Variants in NUP188 observed in about 807,000 individuals in gnomAD.
The protein encoded by NUP188 is nucleoporin 188.
NUP188 carries 97 observed loss-of-function variants against 223.0 expected under a neutral mutation model. The observed-to-expected ratio is 0.43, with a 90% confidence interval of 0.37 to 0.51. The LOEUF is 0.51. Ranked by LOEUF, NUP188 falls within the 20% of genes least tolerant of loss-of-function variation. The pLI, the probability that NUP188 is intolerant of heterozygous loss-of-function variation, is 0.00. For missense variants in NUP188, 1,947 were observed against 2,175.6 expected (o/e 0.89, Z 2.09); for synonymous variants, 869 against 828.0 (o/e 1.05, Z -0.85).
chr9:128,952,708 G>C, intron 2 of NUP188, 65 bp from the exon 3 acceptor site: 1 of 1,398,856 alleles, frequency 7.1e-7, no homozygotes. Flanking sequence ...GGGTGATAGA[G>C]TGAGACTCTG....
intron 25 of NUP188, among the ~76,000 whole-genome samples, chr9:128,991,243 AT>A (rs1419528147): frequency 8.3e-6 from 1 of 120,756 alleles, no homozygotes; most frequent in Non-Finnish European, 1.7e-5. Context: ...GTGTTCTTGT[AT>A]TTTAAAAAGT....
chr9:128,995,272 C>G, intron 29 of NUP188, 47 bp from the exon 30 acceptor site: 15 of 1,478,348 alleles, frequency 1.0e-5, no homozygotes, highest in Non-Finnish European at 1.2e-5. Context: ...CATTATATTC[C>G]CATCTGCTTT....
intron 22 of NUP188, among the ~76,000 whole-genome samples, 185 bp from the exon 23 acceptor site, chr9:128,987,404 T>G (rs894529143): frequency 1.3e-5 from 2 of 152,194 alleles, no homozygotes; most frequent in Admixed American, 1.3e-4. Context: ...AGATTGCTTC[T>G]CAGGGTGATC....
intron 28 of NUP188, 82 bp downstream of exon 28, chr9:128,994,524 A>G (rs1387200435): frequency 7.8e-6 from 7 of 897,104 alleles, no homozygotes; most frequent in African/African-American, 1.7e-5. Flanking sequence ...GCCGTAGACA[A>G]TGATACCTCC....
chr9:128,994,781 C>T, intron 28 of NUP188, 75 bp from the exon 29 acceptor site: 2 of 1,237,692 alleles, frequency 1.6e-6, no homozygotes, highest in Non-Finnish European at 2.4e-6. Flanking sequence ...GGCCCCTGCT[C>T]TGTTCCCTGT....
rs530279077 is a variant in NUP188, at chr9:128,962,003, C to A, written c.585+2869C>A. On this transcript the variant is annotated intron_variant, in intron 8 of 43. Transcript: ENST00000372577. ...CCAGGCTGGAGTGCAATGGCATGAT[C>A]TTGGCTCACCACAGTCTCCACCTCC... 2.0e-5 allele frequency among the ~76,000 whole-genome samples: 3 copies of A among 150,880 alleles called. No individual in the cohort carries two copies. The East Asian group carries it at 5.9e-4, about 30-fold the overall frequency.
chr9:128,962,024 C>T, intron 8 of NUP188, among the ~76,000 whole-genome samples: 1 of 151,756 alleles, frequency 6.6e-6, no homozygotes. Flanking sequence ...ACAGTCTCCA[C>T]CTCCTGGGTC....
rs1275204882 is a variant in NUP188 at position 128,987,941 on chromosome 9, C to T, written c.2394-106C>T. 14 of 1,350,950 alleles carry T rather than the reference C, an allele frequency of 1.0e-5. No individual in the cohort carries two copies. The East Asian group carries it at 3.2e-4, about 31-fold the overall frequency. The allele number at this position is 1,350,950 out of a possible 1,614,324, so 83.7% of individuals were successfully genotyped here. On this transcript the variant is annotated intron_variant, in intron 23 of 43. Coordinates refer to ENST00000372577, the MANE Select transcript of NUP188 (RefSeq NM_015354.3). ...TTTGGACTGGGGCCTCTAACAGAAG[C>T]TGTTGAACTCTGGGATTATTGTTGG...
chr9:128,982,254 A>G (rs1355729474), intron 15 of NUP188, among the ~76,000 whole-genome samples: 13 of 151,742 alleles, frequency 8.6e-5, no homozygotes. Flanking sequence ...AACATGGAAA[A>G]CCCCATCTCT....
chr9:129,006,074 A>ACCCAGGCAG lies in NUP188; in HGVS notation c.4895_4903dup (p.Ala1634_Val1635insAlaGlnAla). 1 of 1,614,148 alleles carries ACCCAGGCAG rather than the reference A, an allele frequency of 6.2e-7. No homozygotes were observed. Among genetic ancestry groups the ACCCAGGCAG allele is most frequent in the Non-Finnish European group, 8.5e-7 (1 of 1,180,008 alleles). On this transcript the variant is annotated inframe_insertion, in exon 42 of 44. Transcript: ENST00000372577. ...GCTGGACAAGAAAAAGGAGCCCCTC[A>ACCCAGGCAG]CCCAGGCAGTGGGGCTCAGCACACA...
intron 1 of NUP188, chr9:128,948,416 T>C (rs1423550258): frequency 6.6e-6 from 1 of 152,226 alleles, no homozygotes; most frequent in Admixed American, 6.5e-5. Flanking sequence ...ACAAAGTGCT[T>C]TCTAGCGTCA....
At chr9:128,957,127 G>T in intron 5 of NUP188, 95 bp downstream of exon 5, 2 of 804,474 alleles carry the variant, frequency 2.5e-6, no homozygotes, top group South Asian at 3.5e-5. Context: ...TCTTTTATCG[G>T]TGGTAGGTGA....
At chr9:128,961,807 T>C (rs1310987548) in intron 8 of NUP188, among the ~76,000 whole-genome samples, 1 of 151,122 alleles carries the variant, frequency 6.6e-6, no homozygotes, top group Non-Finnish European at 1.5e-5. Flanking sequence ...TTTTAGTAGA[T>C]ACAGGGTTTC....
Position 128,968,473 on chromosome 9 carries a change from T to C in NUP188, c.586-33T>C. On this transcript the variant is annotated intron_variant, in intron 8 of 43. Transcript: ENST00000372577. ...AGTACTGTTTTTAATCTCATGTTAT[T>C]TCTCTCCCATTTTGTTTTCATTGGT... 1.3e-6 allele frequency: 2 copies of C among 1,530,236 alleles called. 1 individual carries two copies. Among genetic ancestry groups the C allele is most frequent in the South Asian group, 2.3e-5 (2 of 88,588 alleles). 94.8% of individuals were successfully genotyped at this position (1,530,236 alleles called of 1,614,324 possible).
At chr9:128,987,459 C>A in intron 22 of NUP188, 130 bp from the exon 23 acceptor site, 1 of 762,322 alleles carries the variant, frequency 1.3e-6, no homozygotes, top group Non-Finnish European at 2.0e-6. Flanking sequence ...AGAGTGCCTT[C>A]AGCTTGCAGA....
At chr9:128,990,879 C>T (rs1165720232) in intron 25 of NUP188, among the ~76,000 whole-genome samples, 6 of 151,626 alleles carry the variant, frequency 4.0e-5, no homozygotes, top group Admixed American at 2.0e-4. Flanking sequence ...ATTAGCCAGG[C>T]GTGGTGGCAG....
At chr9:128,987,103 G>T (rs1324448379) in intron 22 of NUP188, among the ~76,000 whole-genome samples, 8 of 151,100 alleles carry the variant, frequency 5.3e-5, no homozygotes, top group Non-Finnish European at 7.4e-5. Context: ...GTGTGTGTGT[G>T]TGTGTGTGTG....
chr9:128,997,640 C>G (rs1473783050), intron 30 of NUP188, among the ~76,000 whole-genome samples: 11 of 152,048 alleles, frequency 7.2e-5, no homozygotes, highest in Admixed American at 7.2e-4. Context: ...CAGGCATGCA[C>G]CACCATACCC....
chr9:128,970,645 G>T (rs939785024), intron 10 of NUP188, 113 bp from the exon 11 acceptor site: 2 of 798,520 alleles, frequency 2.5e-6, no homozygotes, highest in African/African-American at 3.4e-5. Context: ...ATATCAGAAT[G>T]AGAGAGTGAG....
Sources: gnomAD v4.1 joint callset for allele counts (sites outside exome capture counted in the v4.1 genomes callset) on GRCh38, gnomAD v4.1.1 for gene constraint, MANE v1.5 for transcripts, NCBI Gene and HGNC (gene_info 2026-07-23, HGNC 2026-07-21) for gene names.